Variants in PRIM2 observed in about 807,000 individuals in gnomAD.
PRIM2 encodes DNA primase large subunit.
PRIM2 carries 39 observed loss-of-function variants against 67.3 expected under a neutral mutation model. That is an observed-to-expected ratio of 0.58 (90% CI 0.45 to 0.76). The LOEUF (loss-of-function observed/expected upper bound fraction) is 0.76. PRIM2 is among the 30% of genes least tolerant of loss of function. PRIM2 has a pLI of 0.00. For missense variants in PRIM2, 398 were observed against 598.7 expected, an observed-to-expected ratio of 0.66 and a Z score of 3.50; for synonymous variants, 143 against 198.7, an observed-to-expected ratio of 0.72 and a Z score of 2.36.
intron 5 of PRIM2, among the ~76,000 whole-genome samples, chr6:57,330,912 GTGGCTCACACC>G (rs1170869864): frequency 2.0e-5 from 3 of 152,198 alleles, no homozygotes; most frequent in Non-Finnish European, 2.9e-5. Context: ...GCCGGGCGCG[GTGGCTCACACC>G]TGTAATCCCA....
At chr6:57,375,101 A>G (rs561264246) in intron 5 of PRIM2, among the ~76,000 whole-genome samples, 2 of 152,208 alleles carry the variant, frequency 1.3e-5, no homozygotes, top group East Asian at 1.9e-4. Flanking sequence ...TTTCAAGACT[A>G]TGTTGAATAG....
intron 5 of PRIM2, among the ~76,000 whole-genome samples, chr6:57,362,820 G>A (rs1769243761): frequency 6.6e-6 from 1 of 152,110 alleles, no homozygotes; most frequent in Non-Finnish European, 1.5e-5. Context: ...AGCTCAGTAA[G>A]AGAAAGCTGT....
At chr6:57,353,996 G>A (rs1581820637) in intron 5 of PRIM2, among the ~76,000 whole-genome samples, 1 of 152,132 alleles carries the variant, frequency 6.6e-6, no homozygotes, top group African/African-American at 2.4e-5. Context: ...AAAGTAATTA[G>A]TTAGCTTGGT....
chr6:57,320,913 T>G (rs1377945978), intron 3 of PRIM2, among the ~76,000 whole-genome samples: 1 of 152,176 alleles, frequency 6.6e-6, no homozygotes, highest in African/African-American at 2.4e-5. Context: ...TGTTTATAGA[T>G]GCATGCTCCA....
At chr6:57,331,220 A>G (rs1768050056) in intron 5 of PRIM2, among the ~76,000 whole-genome samples, 1 of 151,952 alleles carries the variant, frequency 6.6e-6, no homozygotes, top group South Asian at 2.1e-4. Flanking sequence ...TGTTACATTA[A>G]TTGATTTTTG....
chr6:57,597,360 A>C (rs1776385516), intron 10 of PRIM2, among the ~76,000 whole-genome samples: 1 of 150,826 alleles, frequency 6.6e-6, no homozygotes, highest in Non-Finnish European at 1.5e-5. Flanking sequence ...ATGTAATTGA[A>C]TAGTTTAGTG....
chr6:57,431,275 G>T (rs5002584), intron 7 of PRIM2, among the ~76,000 whole-genome samples: 1 of 151,060 alleles, frequency 6.6e-6, no homozygotes, highest in Non-Finnish European at 1.5e-5. Flanking sequence ...TCTGGTGGTC[G>T]CATAACCTAA....
At chr6:57,572,014 G>A (rs1329431880) in intron 10 of PRIM2, among the ~76,000 whole-genome samples, 1 of 152,112 alleles carries the variant, frequency 6.6e-6, no homozygotes, top group African/African-American at 2.4e-5. Flanking sequence ...TTGTTGAAAT[G>A]TTTCTCTATA....
At chr6:57,324,593 A>C (rs1183559048) in intron 4 of PRIM2, among the ~76,000 whole-genome samples, 1 of 152,204 alleles carries the variant, frequency 6.6e-6, no homozygotes, top group East Asian at 1.9e-4. Flanking sequence ...TTCCTGCAAA[A>C]AAATGGTAAT....
intron 10 of PRIM2, among the ~76,000 whole-genome samples, chr6:57,589,198 A>C: frequency 6.6e-6 from 1 of 152,308 alleles, no homozygotes; most frequent in East Asian, 1.9e-4. Flanking sequence ...GTATGCACCT[A>C]GAATGATTCT....
intron 3 of PRIM2, among the ~76,000 whole-genome samples, chr6:57,320,798 G>A (rs1332252660): frequency 6.6e-6 from 1 of 152,068 alleles, no homozygotes; most frequent in Non-Finnish European, 1.5e-5. Context: ...CTTGTTGCAG[G>A]GATTGTTCTG....
At chr6:57,421,597 A>G (rs570456690) in intron 7 of PRIM2, among the ~76,000 whole-genome samples, 19 of 152,330 alleles carry the variant, frequency 1.2e-4, no homozygotes, top group Middle Eastern at 3.4e-3. Context: ...TAAGTATTAC[A>G]ATGATCATTG....
At chr6:57,518,244 T>G (rs1774527827) in intron 8 of PRIM2, among the ~76,000 whole-genome samples, 1 of 152,194 alleles carries the variant, frequency 6.6e-6, no homozygotes, top group Non-Finnish European at 1.5e-5. Flanking sequence ...TCATCAAATG[T>G]GTACAGTGGT....
chr6:57,240,091 GTT>G, the PRIM2 span, among the ~76,000 whole-genome samples: 3 of 90,010 alleles, frequency 3.3e-5, no homozygotes, highest in African/African-American at 1.3e-4. Context: ...TCAATAATCT[GTT>G]TTTTTTTTTT....
At chr6:57,576,758 TTATG>T (rs1775970270) in intron 10 of PRIM2, among the ~76,000 whole-genome samples, 2 of 149,304 alleles carry the variant, frequency 1.3e-5, no homozygotes, top group African/African-American at 5.1e-5. Context: ...TATGTGGTGT[TTATG>T]TAGGTAAATG....
intron 10 of PRIM2, among the ~76,000 whole-genome samples, chr6:57,549,066 G>A (rs1352891888): frequency 2.6e-4 from 40 of 152,166 alleles, no homozygotes; most frequent in African/African-American, 9.4e-4. Flanking sequence ...TATTTATGTC[G>A]AGTTTACTAA....
the PRIM2 span, among the ~76,000 whole-genome samples, chr6:57,301,205 C>T: frequency 1.3e-5 from 2 of 152,144 alleles, 1 homozygote; most frequent in Non-Finnish European, 2.9e-5. Flanking sequence ...ATGGGAGAGT[C>T]AGCTGGGTGT....
At chr6:57,236,818 A>T in the PRIM2 span, among the ~76,000 whole-genome samples, 3 of 152,238 alleles carry the variant, frequency 2.0e-5, no homozygotes, top group East Asian at 3.9e-4. Context: ...TCTATCATTG[A>T]TGGACATTTG....
intron 13 of PRIM2, among the ~76,000 whole-genome samples, chr6:57,644,518 G>A (rs1777299556): frequency 3.9e-5 from 6 of 152,160 alleles, no homozygotes; most frequent in Admixed American, 3.3e-4. Context: ...TTAGTCAAAT[G>A]TATTCCTGTA....
Sources: gnomAD v4.1 joint callset for allele counts (sites outside exome capture counted in the v4.1 genomes callset) on GRCh38, gnomAD v4.1.1 for gene constraint, MANE v1.5 for transcripts, NCBI Gene and HGNC (gene_info 2026-07-23, HGNC 2026-07-21) for gene names.